Variants in GRIN2A observed in about 807,000 individuals in gnomAD.
GRIN2A encodes glutamate ionotropic receptor NMDA type subunit 2A.
GRIN2A carries 22 observed loss-of-function variants against 113.4 expected under a neutral mutation model. That is an observed-to-expected ratio of 0.19 (90% CI 0.14 to 0.28). GRIN2A has a LOEUF of 0.28. GRIN2A is among the 10% of genes least tolerant of loss of function. The probability of loss-of-function intolerance (pLI) is 1.00; values close to 1 mark genes in which losing one functional copy is unlikely to be tolerated. For synonymous variants in GRIN2A, 827 were observed against 738.4 expected (o/e 1.12, Z -1.94); for missense variants, 1,502 against 1,887.0 (o/e 0.80, Z 3.78).
chr16:10,131,857 A>G (rs529726433), intron 2 of GRIN2A, among the ~76,000 whole-genome samples: 1 of 152,166 alleles, frequency 6.6e-6, no homozygotes, highest in Non-Finnish European at 1.5e-5. Context: ...GTAATTCGCC[A>G]TTATTATTAG....
At chr16:9,987,713 G>A (rs1380048280) in intron 2 of GRIN2A, among the ~76,000 whole-genome samples, 1 of 152,182 alleles carries the variant, frequency 6.6e-6, no homozygotes, top group African/African-American at 2.4e-5. Context: ...TGTTTACTCT[G>A]CACAGCCTAT....
chr16:9,889,066 C>T (rs57282865), intron 4 of GRIN2A, among the ~76,000 whole-genome samples: 5,029 of 152,044 alleles, frequency 0.033, 295 homozygotes, highest in African/African-American at 0.11. Flanking sequence ...TATAGATAGA[C>T]GAAGCCATCT....
intron 10 of GRIN2A, among the ~76,000 whole-genome samples, chr16:9,818,845 TA>T (rs1172159674): frequency 2.6e-5 from 4 of 152,166 alleles, no homozygotes; most frequent in African/African-American, 4.8e-5. Context: ...CAATATCTGT[TA>T]AAATTGCAAC....
chr16:9,937,719 T>C, intron 3 of GRIN2A: 8 of 541,446 alleles, frequency 1.5e-5, no homozygotes, highest in South Asian at 6.1e-5. Flanking sequence ...AGGTGTAGGT[T>C]TCCAAGATAT....
intron 2 of GRIN2A, among the ~76,000 whole-genome samples, chr16:9,961,223 A>G (rs1283892675): frequency 6.6e-6 from 1 of 152,172 alleles, no homozygotes; most frequent in Non-Finnish European, 1.5e-5. Flanking sequence ...GGAGGAAGAC[A>G]TTCCAAGTCT....
At chr16:9,927,626 C>G (rs1233295867) in intron 3 of GRIN2A, among the ~76,000 whole-genome samples, 1 of 152,134 alleles carries the variant, frequency 6.6e-6, no homozygotes, top group African/African-American at 2.4e-5. Flanking sequence ...TAACTCACAT[C>G]TAAGGATGAA....
intron 11 of GRIN2A, among the ~76,000 whole-genome samples, chr16:9,786,895 C>T (rs540644328): frequency 2.0e-5 from 3 of 152,178 alleles, no homozygotes; most frequent in Non-Finnish European, 4.4e-5. Flanking sequence ...CGACCATTTT[C>T]TTCTCTTGCC....
At chr16:10,060,861 A>G (rs909954657) in intron 2 of GRIN2A, among the ~76,000 whole-genome samples, 1 of 152,222 alleles carries the variant, frequency 6.6e-6, no homozygotes, top group Non-Finnish European at 1.5e-5. Flanking sequence ...GTGCAAGCCA[A>G]AAACCATCCC....
chr16:9,842,951 A>AAGAG (rs57545330), intron 5 of GRIN2A, among the ~76,000 whole-genome samples: 2,940 of 145,142 alleles, frequency 0.02, 41 homozygotes, highest in Non-Finnish European at 0.028. Flanking sequence ...GAAAGAAAGA[A>AAGAG]AGAGAGAGAG....
chr16:10,046,714 C>A (rs1400714172), intron 2 of GRIN2A, among the ~76,000 whole-genome samples: 1 of 152,096 alleles, frequency 6.6e-6, no homozygotes, highest in Non-Finnish European at 1.5e-5. Flanking sequence ...ATTCTGCACC[C>A]TTTTGAGATT....
At chr16:10,029,224 C>T (rs560824025) in intron 2 of GRIN2A, among the ~76,000 whole-genome samples, 7 of 151,758 alleles carry the variant, frequency 4.6e-5, no homozygotes, top group Non-Finnish European at 8.8e-5. Context: ...GACAGAGTTT[C>T]GCTCTTGTTG....
intron 2 of GRIN2A, among the ~76,000 whole-genome samples, chr16:10,015,395 A>T (rs1163172659): frequency 1.3e-5 from 2 of 152,106 alleles, no homozygotes; most frequent in Non-Finnish European, 2.9e-5. Flanking sequence ...ATGTCTATAA[A>T]ACAGATCTAA....
intron 3 of GRIN2A, among the ~76,000 whole-genome samples, chr16:9,905,652 G>C (rs568300643): frequency 6.6e-6 from 1 of 152,158 alleles, no homozygotes; most frequent in African/African-American, 2.4e-5. Context: ...GGGGCAGAGC[G>C]ATGTGCCTAT....
chr16:10,051,614 G>C (rs903864092), intron 2 of GRIN2A, among the ~76,000 whole-genome samples: 8 of 152,280 alleles, frequency 5.3e-5, no homozygotes, highest in African/African-American at 1.9e-4. Flanking sequence ...TCAGGGACTG[G>C]ACCATTCGAA....
rs183776351 is a variant in GRIN2A at position 9,875,044 on chromosome 16, G to A, written c.1122+15942C>T. ...TCGAGGCCTGCAGTGAGCCACTCCA[G>A]GGAGTGCAGCGGCATGAACATGGCT... On this transcript the variant is annotated intron_variant, in intron 4 of 12. Transcript: ENST00000330684. Among the ~76,000 whole-genome samples, 26 of 150,522 alleles carry A rather than the reference G, an allele frequency of 1.7e-4. No homozygotes were observed. The East Asian group carries it at 5.4e-3, about 31-fold the overall frequency.
chr16:10,005,947 A>G (rs932977446), intron 2 of GRIN2A, among the ~76,000 whole-genome samples: 9 of 152,230 alleles, frequency 5.9e-5, no homozygotes, highest in Non-Finnish European at 7.3e-5. Flanking sequence ...CTTTGAAACC[A>G]TAAGTTCTTA....
At chr16:9,782,644 G>T (rs1290726870) in intron 11 of GRIN2A, among the ~76,000 whole-genome samples, 1 of 152,150 alleles carries the variant, frequency 6.6e-6, no homozygotes, top group Non-Finnish European at 1.5e-5. Context: ...TGCTTGTCAG[G>T]CATGGGCCTG....
chr16:9,789,329 G>C (rs1902444674), intron 11 of GRIN2A, among the ~76,000 whole-genome samples: 1 of 152,132 alleles, frequency 6.6e-6, no homozygotes, highest in African/African-American at 2.4e-5. Context: ...TCAGCCTCAT[G>C]GTACTAATTT....
chr16:9,956,417 A>G (rs950619719), intron 2 of GRIN2A, among the ~76,000 whole-genome samples: 2 of 152,200 alleles, frequency 1.3e-5, no homozygotes, highest in Non-Finnish European at 2.9e-5. Context: ...ACTGATCTTT[A>G]GAGCTTCAGT....
Sources: gnomAD v4.1 joint callset for allele counts (sites outside exome capture counted in the v4.1 genomes callset) on GRCh38, gnomAD v4.1.1 for gene constraint, MANE v1.5 for transcripts, NCBI Gene and HGNC (gene_info 2026-07-23, HGNC 2026-07-21) for gene names.